Variants in TOMM70 observed in about 807,000 individuals in gnomAD.
TOMM70 encodes mitochondrial import receptor subunit TOM70.
Under a neutral mutation model 73.6 loss-of-function variants are expected in TOMM70, and 13 were observed. That is an observed-to-expected ratio of 0.18 (90% CI 0.11 to 0.28). The LOEUF (loss-of-function observed/expected upper bound fraction) is 0.28. TOMM70 is among the 10% of genes least tolerant of loss of function. The probability of loss-of-function intolerance (pLI) is 1.00; values close to 1 mark genes in which losing one functional copy is unlikely to be tolerated. For missense variants in TOMM70, 609 were observed against 747.5 expected (o/e 0.81, Z 2.16); for synonymous variants, 257 against 271.2 (o/e 0.95, Z 0.51).
chr3:100,400,803 C>A lies in TOMM70; in HGVS notation c.147G>T (p.Leu49=). 1 of 1,532,820 alleles carries A rather than the reference C, an allele frequency of 6.5e-7. No homozygotes were observed. Among genetic ancestry groups the A allele is most frequent in the Non-Finnish European group, 8.7e-7 (1 of 1,148,294 alleles). The allele number at this position is 1,532,820 out of a possible 1,614,324, so 95.0% of individuals were successfully genotyped here. ...GGTATATGGCACCCGCGCCCAGCAG[C>A]AGGGGTGCCCCGACCGCCAGAGCCA... ...WQLALAVGAP[L]LLGAGAIYLW... Residue 49 remains leucine, a synonymous_variant, in exon 1 of 12, where the codon CTG becomes CTT. Coordinates refer to ENST00000284320, the MANE Select transcript of TOMM70 (RefSeq NM_014820.5).
intron 1 of TOMM70, among the ~76,000 whole-genome samples, chr3:100,390,535 G>C (rs537210122): frequency 1.3e-5 from 2 of 152,180 alleles, no homozygotes; most frequent in Non-Finnish European, 2.9e-5. Context: ...TAAAAGTATA[G>C]CATATATTGG....
At position 100,365,471 on chromosome 3, in the gene TOMM70, C is replaced by A; in HGVS notation, c.*93G>T. Reference sequence around the variant, plus strand: ...CACCACAAACAGAAATACTGATTTCCACCATTCAACACAGTTCATGACAGT... The same window carrying A: ...CACCACAAACAGAAATACTGATTTCAACCATTCAACACAGTTCATGACAGT... On this transcript the variant is annotated 3_prime_UTR_variant, in exon 12 of 12. Transcript: ENST00000284320. The A allele has an allele frequency of 6.7e-7, 1 of 1,493,808 alleles. No individual in the cohort carries two copies. The highest frequency in any genetic ancestry group is 9.1e-7 in the Non-Finnish European group (1 of 1,101,224). 92.5% of individuals were successfully genotyped at this position (1,493,808 alleles called of 1,614,324 possible). A position where few individuals can be genotyped will look rare whatever the true frequency, so the allele number is the denominator to read the frequency against.
At chr3:100,372,561 G>T in intron 9 of TOMM70, 45 bp downstream of exon 9, 1 of 1,398,356 alleles carries the variant, frequency 7.2e-7, no homozygotes, top group Non-Finnish European at 1.0e-6. Context: ...CTGAGATTTG[G>T]CATATGTATG....
rs1469676580 is a variant in TOMM70, at chr3:100,378,040, T to A, written c.885-128A>T. 67 of 693,388 alleles carry A rather than the reference T, an allele frequency of 9.7e-5. No individual in the cohort carries two copies. The East Asian group carries it at 1.1e-3, about 12-fold the overall frequency. 43.0% of individuals were successfully genotyped at this position (693,388 alleles called of 1,614,324 possible). On this transcript the variant is annotated intron_variant, in intron 5 of 11. Transcript: ENST00000284320. ...GGTGGGCGGATCACGAGGTCAGGCA[T>A]TCGAGACCAGCCTGGCCAACATGGT...
chr3:100,368,989 C>T, intron 10 of TOMM70, 49 bp downstream of exon 10: 8 of 1,378,850 alleles, frequency 5.8e-6, no homozygotes, highest in Non-Finnish European at 8.2e-6. Context: ...CATTTTATTA[C>T]TATGCAAGAA....
chr3:100,398,308 C>T (rs1444973428), intron 1 of TOMM70, among the ~76,000 whole-genome samples: 3 of 147,888 alleles, frequency 2.0e-5, no homozygotes, highest in South Asian at 2.1e-4. Flanking sequence ...TGCTTGAACT[C>T]AGGAGGCAGA....
intron 1 of TOMM70, among the ~76,000 whole-genome samples, chr3:100,396,567 T>C (rs889360097): frequency 9.9e-5 from 15 of 152,186 alleles, no homozygotes; most frequent in African/African-American, 3.6e-4. Context: ...TTGGAATATA[T>C]GTGTGGTGGT....
intron 4 of TOMM70, among the ~76,000 whole-genome samples, chr3:100,382,581 A>G (rs1706644872): frequency 6.6e-6 from 1 of 152,210 alleles, no homozygotes; most frequent in Non-Finnish European, 1.5e-5. Flanking sequence ...TAACTTTAGT[A>G]CTTTACTAAA....
intron 1 of TOMM70, among the ~76,000 whole-genome samples, chr3:100,395,489 G>A (rs1000431382): frequency 1.4e-5 from 2 of 147,302 alleles, no homozygotes; most frequent in African/African-American, 5.1e-5. Flanking sequence ...GTTGCGGTGA[G>A]CAGAGATTGC....
intron 8 of TOMM70, 40 bp downstream of exon 8, chr3:100,373,498 A>G (rs1177466656): frequency 6.7e-7 from 1 of 1,490,276 alleles, no homozygotes; most frequent in African/African-American, 1.4e-5. Flanking sequence ...TGGAAAATAA[A>G]AGTGATGTTT....
chr3:100,386,954 C>T lies in TOMM70; in HGVS notation c.349G>A (p.Ala117Thr), dbSNP rs1275586878. Residue 117 changes from alanine to threonine, a missense_variant, in exon 2 of 12, where the codon GCC becomes ACC. Physicochemically the swap from Ala to Thr is moderately conservative, Grantham distance 58 (BLOSUM62 0). Coordinates refer to ENST00000284320, the MANE Select transcript of TOMM70 (RefSeq NM_014820.5). ...DMNSLDRAQA[A>T]KNKGNKYFKA... is the part of the protein sequence containing the mutation. The stretch of plus-strand genomic sequence containing the variant: ...AAATATTTATTGCCTTTATTCTTGG[C>T]TGCTTGGGCTCTATCAAGAGAGTTC... 6.2e-7 allele frequency: 1 copy of T among 1,613,886 alleles called. No individual in the cohort carries two copies. Among genetic ancestry groups the T allele is most frequent in the Non-Finnish European group, 8.5e-7 (1 of 1,179,960 alleles).
intron 5 of TOMM70, among the ~76,000 whole-genome samples, chr3:100,380,822 T>C (rs1415676540): frequency 4.6e-5 from 7 of 152,166 alleles, no homozygotes; most frequent in Non-Finnish European, 1.0e-4. Context: ...AAAAGGTCAA[T>C]AGCAATGGTA....
chr3:100,400,689 C>A lies in TOMM70; in HGVS notation c.261G>T (p.Glu87Asp), dbSNP rs1221407790. Residue 87 changes from glutamate (E) to aspartate (D), a missense_variant, in exon 1 of 12, where the codon GAG becomes GAT. By Grantham distance (45) the Glu-to-Asp change is conservative. This residue lies in a region of TOMM70 where 177 missense variants were observed against 163.5 expected (regional missense o/e 1.08). Transcript: ENST00000284320. ...TGCCCGGGGCCGGACTGGCCCTGCC[C>A]TCCGGGGTCTTCCGTTCGCTGTTGC... ...LKRNSERKTP[E>D]GRASPAPGSG... 6.2e-7 allele frequency: 1 copy of A among 1,611,878 alleles called. No homozygotes were observed. Among genetic ancestry groups the A allele is most frequent in the African/African-American group, 1.3e-5 (1 of 74,882 alleles).
At chr3:100,391,294 A>G (rs1706758699) in intron 1 of TOMM70, among the ~76,000 whole-genome samples, 1 of 152,190 alleles carries the variant, frequency 6.6e-6, no homozygotes, top group Non-Finnish European at 1.5e-5. Flanking sequence ...TTAACTATAA[A>G]ATAGCCTCAA....
chr3:100,377,496 T>A (rs1706578821), intron 6 of TOMM70: 3 of 538,318 alleles, frequency 5.6e-6, no homozygotes, highest in Admixed American at 3.2e-5. Flanking sequence ...GAAAAAAAAA[T>A]TTCCTTTCCT....
At chr3:100,371,128 C>T (rs1490023550) in intron 9 of TOMM70, among the ~76,000 whole-genome samples, 2 of 152,124 alleles carry the variant, frequency 1.3e-5, no homozygotes, top group African/African-American at 4.8e-5. Flanking sequence ...CTCATAGTTC[C>T]ACCCTCAATA....
chr3:100,377,608 A>C, intron 6 of TOMM70, 97 bp downstream of exon 6: 1 of 1,180,358 alleles, frequency 8.5e-7, no homozygotes, highest in Non-Finnish European at 1.2e-6. Context: ...AGCCCTTTGA[A>C]GAATGGCAGT....
intron 1 of TOMM70, among the ~76,000 whole-genome samples, chr3:100,400,226 T>C (rs1706876662): frequency 6.6e-6 from 1 of 152,132 alleles, no homozygotes; most frequent in African/African-American, 2.4e-5. Flanking sequence ...AAAAGGCTCT[T>C]AGCGATTAGG....
At chr3:100,370,728 A>G (rs1317814032) in intron 9 of TOMM70, among the ~76,000 whole-genome samples, 2 of 152,248 alleles carry the variant, frequency 1.3e-5, no homozygotes, top group African/African-American at 4.8e-5. Context: ...CTAAAATTAG[A>G]AAACAGACCA....
Sources: allele counts gnomAD v4.1 joint callset (sites outside exome capture counted in the v4.1 genomes callset), GRCh38; gene constraint gnomAD v4.1.1; regional missense constraint gnomAD v4.1.1; transcripts MANE v1.5; gene names NCBI Gene and HGNC (gene_info 2026-07-23, HGNC 2026-07-21).